EFCAB5: variants seen among roughly 807,000 people sequenced by gnomAD.
EFCAB5 encodes the protein EF-hand calcium binding domain 5, also known as EF-hand calcium-binding domain-containing protein 5.
In EFCAB5, 131 loss-of-function variants were observed where a neutral mutation model predicts 167.9. That is an observed-to-expected ratio of 0.78 (90% CI 0.68 to 0.90). EFCAB5 has a LOEUF of 0.90. Among genes scored for constraint, EFCAB5 ranks in the 40% least tolerant of loss-of-function variants. The pLI is 0.00. For synonymous variants in EFCAB5, 574 were observed against 602.8 expected, an observed-to-expected ratio of 0.95 and a Z score of 0.70; for missense variants, 1,663 against 1,745.2, an observed-to-expected ratio of 0.95 and a Z score of 0.84.
chr17:30,043,754 T>C (rs1359241046), intron 8 of EFCAB5, among the ~76,000 whole-genome samples: 1 of 152,256 alleles, frequency 6.6e-6, no homozygotes, highest in Non-Finnish European at 1.5e-5. Flanking sequence ...TTATTGTTTC[T>C]GTCAAAGACT....
intron 3 of EFCAB5, among the ~76,000 whole-genome samples, chr17:29,946,981 G>A (rs374625465): frequency 5.3e-5 from 8 of 151,812 alleles, no homozygotes; most frequent in African/African-American, 1.4e-4. Flanking sequence ...TCAAGAGATC[G>A]AGACCATCCT....
At chr17:30,099,016 T>C (rs941349648) in intron 22 of EFCAB5, among the ~76,000 whole-genome samples, 7 of 152,258 alleles carry the variant, frequency 4.6e-5, no homozygotes, top group Non-Finnish European at 1.0e-4. Flanking sequence ...AATAATATTC[T>C]ATGATAGACA....
chr17:29,960,740 G>A (rs1476644594), intron 3 of EFCAB5, among the ~76,000 whole-genome samples: 2 of 152,138 alleles, frequency 1.3e-5, no homozygotes, highest in Non-Finnish European at 2.9e-5. Context: ...GAACACTGAT[G>A]TGCAAGTATC....
chr17:30,015,051 C>T (rs569823107), intron 7 of EFCAB5, among the ~76,000 whole-genome samples: 161 of 152,284 alleles, frequency 1.1e-3, no homozygotes, highest in Middle Eastern at 6.8e-3. Context: ...TTCTCCTGCA[C>T]TTATGAAGCT....
intron 3 of EFCAB5, among the ~76,000 whole-genome samples, chr17:29,954,758 C>T (rs938336738): frequency 2.0e-5 from 3 of 152,170 alleles, no homozygotes; most frequent in Admixed American, 6.5e-5. Flanking sequence ...CAGCTTGCAT[C>T]GTGCACCTGG....
chr17:30,090,840 C>T (rs1225529742), intron 20 of EFCAB5, among the ~76,000 whole-genome samples, 166 bp downstream of exon 20: 1 of 152,076 alleles, frequency 6.6e-6, no homozygotes, highest in Non-Finnish European at 1.5e-5. Flanking sequence ...CGAGTAATGT[C>T]TACAAATTAA....
At chr17:29,932,863 C>A (rs1472520531) in intron 1 of EFCAB5, among the ~76,000 whole-genome samples, 1 of 152,074 alleles carries the variant, frequency 6.6e-6, no homozygotes, top group Non-Finnish European at 1.5e-5. Context: ...TGATAAAATC[C>A]TGATCAAAAT....
rs766569400 is a variant in EFCAB5 at position 29,968,863 on chromosome 17, A to T, written c.263A>T (p.Asn88Ile). ...IKDSKTEASG[N>I]IAIRKSAKVI... Reference sequence around the variant, plus strand: ...GACTCTAAAACTGAAGCCTCAGGTAATATTGCAATTAGAAAATCTGCAAAA... The same window carrying T: ...GACTCTAAAACTGAAGCCTCAGGTATTATTGCAATTAGAAAATCTGCAAAA... The change falls in exon 4 of 23, where the codon AAT becomes ATT. Residue 88 changes from asparagine (N) to isoleucine (I), a missense_variant. By Grantham distance (149) the Asn-to-Ile change is moderately radical. Coordinates refer to ENST00000394835, the MANE Select transcript of EFCAB5 (RefSeq NM_198529.4). 6.4e-7 allele frequency: 1 copy of T among 1,559,896 alleles called. No homozygotes were observed. The highest frequency in any genetic ancestry group is 1.2e-5 in the South Asian group (1 of 83,858).
Position 30,057,839 on chromosome 17 carries a change from T to A in EFCAB5, c.2529T>A (p.Phe843Leu). ...LSVSETLTSF[F>L]KEGYVETEQE... ...TCAGCGAGACTCTCACCTCCTTTTT[T>A]AAGGAGGGCTATGTTGAAACAGAAC... Residue 843 changes from phenylalanine (F) to leucine (L), a missense_variant, in exon 13 of 23, where the codon TTT (phenylalanine) becomes TTA (leucine). Transcript: ENST00000394835. The A allele has an allele frequency of 6.2e-7, 1 of 1,613,826 alleles. No homozygotes were observed. Among genetic ancestry groups the A allele is most frequent in the Non-Finnish European group, 8.5e-7 (1 of 1,179,772 alleles).
At chr17:29,989,742 G>C (rs1043380404) in intron 4 of EFCAB5, among the ~76,000 whole-genome samples, 1 of 152,062 alleles carries the variant, frequency 6.6e-6, no homozygotes, top group African/African-American at 2.4e-5. Context: ...TTTTCTAATT[G>C]TTCAGTAACT....
intron 22 of EFCAB5, among the ~76,000 whole-genome samples, chr17:30,098,195 A>G (rs1222062111): frequency 6.6e-6 from 1 of 151,478 alleles, no homozygotes; most frequent in Non-Finnish European, 1.5e-5. Flanking sequence ...TCAGCCTCCC[A>G]AAGTGCTGGG....
At chr17:30,060,304 CT>C (rs955288307) in intron 14 of EFCAB5, among the ~76,000 whole-genome samples, 2 of 152,086 alleles carry the variant, frequency 1.3e-5, no homozygotes, top group Non-Finnish European at 2.9e-5. Flanking sequence ...TGTTTTATCT[CT>C]TTGTCTTCAC....
chr17:29,993,443 C>A, intron 5 of EFCAB5, 122 bp downstream of exon 5: 1 of 909,696 alleles, frequency 1.1e-6, no homozygotes, highest in Non-Finnish European at 1.5e-6. Flanking sequence ...TGAGGTAAGT[C>A]TTGACCTGTC....
chr17:30,004,231 TCTC>T (rs1375877528), intron 7 of EFCAB5, among the ~76,000 whole-genome samples: 3 of 152,248 alleles, frequency 2.0e-5, no homozygotes, highest in Non-Finnish European at 4.4e-5. Context: ...TTCCTTAGCT[TCTC>T]CTGCATCTAT....
At chr17:30,023,325 G>C (rs1170610675) in intron 7 of EFCAB5, among the ~76,000 whole-genome samples, 1 of 151,724 alleles carries the variant, frequency 6.6e-6, no homozygotes, top group East Asian at 1.9e-4. Flanking sequence ...TCAAATAGAC[G>C]CAATAAAAAA....
In EFCAB5 at chr17:29,993,148, A is replaced by G. The variant is rs1410485269; in HGVS notation, c.768-17A>G. On this transcript the variant is annotated splice_polypyrimidine_tract_variant and intron_variant, in intron 4 of 22. Transcript: ENST00000394835. ...AGGGTATTAACTCAACATGTTTTCT[A>G]TATCTACATCCTGCAGAGTATCCAA... 7 of 1,586,702 alleles carry G rather than the reference A, an allele frequency of 4.4e-6. No individual in the cohort carries two copies. The highest frequency in any genetic ancestry group is 2.6e-6 in the Non-Finnish European group (3 of 1,166,234).
chr17:29,994,113 A>AAAC (rs1451219909), intron 5 of EFCAB5, among the ~76,000 whole-genome samples: 5 of 128,698 alleles, frequency 3.9e-5, no homozygotes, highest in African/African-American at 1.2e-4. Context: ...CTTAAAAACA[A>AAAC]AACAACAACA....
At chr17:29,936,346 A>G (rs1171745966) in intron 1 of EFCAB5, among the ~76,000 whole-genome samples, 1 of 152,172 alleles carries the variant, frequency 6.6e-6, no homozygotes, top group African/African-American at 2.4e-5. Context: ...TAGGAGATAT[A>G]CCTAATGTAA....
At chr17:30,030,921 A>C (rs1215270417) in intron 7 of EFCAB5, among the ~76,000 whole-genome samples, 1 of 152,136 alleles carries the variant, frequency 6.6e-6, no homozygotes, top group Non-Finnish European at 1.5e-5. Context: ...TTTTAAAACT[A>C]ATTATTGATT....
Sources: gnomAD v4.1 joint callset for allele counts (sites outside exome capture counted in the v4.1 genomes callset) on GRCh38, gnomAD v4.1.1 for gene constraint, MANE v1.5 for transcripts, NCBI Gene and HGNC (gene_info 2026-07-23, HGNC 2026-07-21) for gene names.